Variants in PTPRT observed in about 807,000 individuals in gnomAD.
PTPRT encodes protein tyrosine phosphatase receptor type T.
A neutral mutation model predicts 176.8 loss-of-function variants in PTPRT; 56 were observed. The ratio of observed to expected loss-of-function variants is 0.32; its 90% CI spans 0.26 to 0.40. The LOEUF (loss-of-function observed/expected upper bound fraction) is 0.40, where lower values mean the gene tolerates loss of function less well. Ranked by LOEUF, PTPRT falls within the 10% of genes least tolerant of loss-of-function variation. The pLI is 1.00. For missense variants in PTPRT, 1,540 were observed against 1,908.2 expected, an observed-to-expected ratio of 0.81 and a Z score of 3.60; for synonymous variants, 783 against 739.0, an observed-to-expected ratio of 1.06 and a Z score of -0.96.
intron 2 of PTPRT, among the ~76,000 whole-genome samples, chr20:42,841,107 TAGCTGGGGCTC>T (rs1308179089): frequency 6.6e-6 from 1 of 152,138 alleles, no homozygotes; most frequent in Non-Finnish European, 1.5e-5. Flanking sequence ...ACCCCACTGC[TAGCTGGGGCTC>T]AGCCACAAAG....
At chr20:42,168,566 A>G (rs1989933865) in intron 16 of PTPRT, among the ~76,000 whole-genome samples, 1 of 152,200 alleles carries the variant, frequency 6.6e-6, no homozygotes, top group Non-Finnish European at 1.5e-5. Flanking sequence ...AAACTTGTTT[A>G]TTATTGCAGC....
At chr20:42,567,006 T>C (rs1421898661) in intron 7 of PTPRT, among the ~76,000 whole-genome samples, 1 of 152,178 alleles carries the variant, frequency 6.6e-6, no homozygotes, top group East Asian at 1.9e-4. Flanking sequence ...GTGTGGTGGC[T>C]CACACCTGTA....
chr20:42,039,702 A>ATATATATATATATATATATATATATATAT, the PTPRT span, among the ~76,000 whole-genome samples: 2 of 142,594 alleles, frequency 1.4e-5, no homozygotes, highest in African/African-American at 2.5e-5. Flanking sequence ...GTATATATAT[A>ATATATATATATATATATATATATATATAT]GTAATGTATA....
In PTPRT at chr20:42,846,692, G is replaced by A. The variant is rs559268270; in HGVS notation, c.214+39115C>T. Among the ~76,000 whole-genome samples, 4 of 152,182 alleles carry A rather than the reference G, an allele frequency of 2.6e-5. No homozygotes were observed. The East Asian group carries it at 5.8e-4, about 22-fold the overall frequency. Reference sequence around the variant, plus strand: ...GAATGACCTCTTTAGGGTTCTCTTCGCTGCCCCTCAGGAGCTCTGGTTTCC... The same window carrying A: ...GAATGACCTCTTTAGGGTTCTCTTCACTGCCCCTCAGGAGCTCTGGTTTCC... On this transcript the variant is annotated intron_variant, in intron 2 of 30. Transcript: ENST00000373187.
chr20:42,649,218 G>A (rs2074982967), intron 7 of PTPRT, among the ~76,000 whole-genome samples: 1 of 152,068 alleles, frequency 6.6e-6, no homozygotes, highest in African/African-American at 2.4e-5. Flanking sequence ...TACATGGATG[G>A]CGACAGGCAA....
At position 42,102,174 on chromosome 20, in the gene PTPRT, T is replaced by C. The variant is rs1600512346; in HGVS notation, c.3664A>G (p.Ile1222Val). 1.9e-6 allele frequency: 3 copies of C among 1,614,072 alleles called. No individual in the cohort carries two copies. Among genetic ancestry groups the C allele is most frequent in the East Asian group, 4.5e-5 (2 of 44,862 alleles). ...TTGCTGGATTCTCCGTCCACTGAGATAAGGAAGGGCAGGCAGCGGTCCAGA... is the reference window on the plus strand; with the variant it reads ...TTGCTGGATTCTCCGTCCACTGAGACAAGGAAGGGCAGGCAGCGGTCCAGA... ...LPLDRCLPFL[I>V]SVDGESSNYI... Residue 1222 changes from isoleucine to valine, a missense_variant, in exon 26 of 31, where the codon ATC (isoleucine) becomes GTC (valine). Transcript: ENST00000373187.
chr20:42,915,035 A>G lies in PTPRT; in HGVS notation c.89-29103T>C, dbSNP rs79496429. ...ATAAATATGCTATCCAATGATTAAT[A>G]AAATGAAAGCTAAGGAGGGAAAAAG... On this transcript the variant is annotated intron_variant, in intron 1 of 30. Transcript: ENST00000373187. Among the ~76,000 whole-genome samples the G allele has an allele frequency of 2.5e-3, 385 of 152,336 alleles. 12 individuals are homozygous for G. The East Asian group carries it at 0.065, about 26-fold the overall frequency.
chr20:42,308,608 CA>C (rs1483848581), intron 12 of PTPRT, among the ~76,000 whole-genome samples: 1 of 152,138 alleles, frequency 6.6e-6, no homozygotes, highest in Non-Finnish European at 1.5e-5. Flanking sequence ...CTTTAATATA[CA>C]TTGTCTAATT....
At chr20:43,074,653 C>T (rs1342816671) in intron 1 of PTPRT, among the ~76,000 whole-genome samples, 1 of 152,176 alleles carries the variant, frequency 6.6e-6, no homozygotes, top group Admixed American at 6.5e-5. Flanking sequence ...TTTCCACACT[C>T]CCACAGAACC....
chr20:42,316,090 G>T, intron 11 of PTPRT, 94 bp from the exon 12 acceptor site: 2 of 1,383,962 alleles, frequency 1.4e-6, no homozygotes, highest in Non-Finnish European at 2.0e-6. Flanking sequence ...TCTCCTATGT[G>T]GAAGCATTGG....
chr20:42,389,035 C>T (rs1490769318), intron 9 of PTPRT, among the ~76,000 whole-genome samples: 39 of 150,900 alleles, frequency 2.6e-4, no homozygotes, highest in Non-Finnish European at 4.7e-4. Context: ...GACAAAAAAC[C>T]AAACACTGCA....
At chr20:42,455,367 A>T (rs2070903794) in intron 8 of PTPRT, among the ~76,000 whole-genome samples, 2 of 152,086 alleles carry the variant, frequency 1.3e-5, no homozygotes, top group South Asian at 4.1e-4. Context: ...CTTTGTATTG[A>T]CTTTCTTCCC....
At chr20:42,886,324 G>T (rs1237887226) in intron 1 of PTPRT, among the ~76,000 whole-genome samples, 1 of 152,086 alleles carries the variant, frequency 6.6e-6, no homozygotes, top group Non-Finnish European at 1.5e-5. Context: ...TCCCAGTCTG[G>T]CAAAACTAGA....
chr20:42,967,180 C>A (rs998350056), intron 1 of PTPRT, among the ~76,000 whole-genome samples: 1 of 152,184 alleles, frequency 6.6e-6, no homozygotes, highest in Non-Finnish European at 1.5e-5. Flanking sequence ...TTGGTAGCTG[C>A]AGTGGGTTGA....
At chr20:42,450,906 A>T (rs1343106093) in intron 8 of PTPRT, among the ~76,000 whole-genome samples, 1 of 152,172 alleles carries the variant, frequency 6.6e-6, no homozygotes, top group Non-Finnish European at 1.5e-5. Context: ...CTCTGACATA[A>T]AGGGATATGG....
chr20:43,110,356 C>A (rs1370550508), intron 1 of PTPRT, among the ~76,000 whole-genome samples: 1 of 152,200 alleles, frequency 6.6e-6, no homozygotes, highest in African/African-American at 2.4e-5. Flanking sequence ...GGCCCTCCTC[C>A]AACACTGTGG....
intron 7 of PTPRT, among the ~76,000 whole-genome samples, chr20:42,488,417 T>C (rs1056799204): frequency 1.3e-5 from 2 of 152,224 alleles, no homozygotes; most frequent in African/African-American, 4.8e-5. Context: ...CCAATTTTTC[T>C]ACCTTTTTAC....
intron 4 of PTPRT, among the ~76,000 whole-genome samples, chr20:42,779,232 T>C (rs1239546787): frequency 6.6e-6 from 1 of 152,096 alleles, no homozygotes; most frequent in Non-Finnish European, 1.5e-5. Flanking sequence ...ATGAGAATAG[T>C]CCCTAAATGC....
chr20:42,793,514 C>T (rs1407004257), intron 2 of PTPRT, among the ~76,000 whole-genome samples: 2 of 152,096 alleles, frequency 1.3e-5, no homozygotes, highest in Admixed American at 1.3e-4. Flanking sequence ...GTCATGATTT[C>T]GGAAAATGTA....
Sources: gnomAD v4.1 joint callset for allele counts (sites outside exome capture counted in the v4.1 genomes callset) on GRCh38, gnomAD v4.1.1 for gene constraint, MANE v1.5 for transcripts, NCBI Gene and HGNC (gene_info 2026-07-23, HGNC 2026-07-21) for gene names.